FGF12: variants seen among roughly 807,000 people sequenced by gnomAD.
FGF12 encodes fibroblast growth factor 12B.
In FGF12, 14 loss-of-function variants were observed where a neutral mutation model predicts 23.6. That is an observed-to-expected ratio of 0.59 (90% CI 0.39 to 0.93). The LOEUF (loss-of-function observed/expected upper bound fraction) is 0.93, where lower values mean the gene tolerates loss of function less well. FGF12 is among the 40% of genes least tolerant of loss of function. The probability of loss-of-function intolerance (pLI) is 0.00; values close to 1 mark genes in which losing one functional copy is unlikely to be tolerated. For missense variants in FGF12, 175 were observed against 217.8 expected (o/e 0.80, Z 1.24); for synonymous variants, 62 against 77.3 (o/e 0.80, Z 1.04).
At chr3:192,467,499 G>A (rs6801036) in intron 2 of FGF12, among the ~76,000 whole-genome samples, 1,651 of 152,270 alleles carry the variant, frequency 0.011, 27 homozygotes, top group African/African-American at 0.037. Context: ...TGAGCGGGAC[G>A]CCTAGAGCAC....
chr3:192,475,016 C>G (rs1191715817), intron 2 of FGF12, among the ~76,000 whole-genome samples: 1 of 152,112 alleles, frequency 6.6e-6, no homozygotes, highest in Non-Finnish European at 1.5e-5. Flanking sequence ...ATATCTACCT[C>G]ATTAATGTAG....
chr3:192,338,277 G>A (rs1186767645), intron 3 of FGF12, among the ~76,000 whole-genome samples: 1 of 152,094 alleles, frequency 6.6e-6, no homozygotes, highest in African/African-American at 2.4e-5. Flanking sequence ...TAGAGACGGG[G>A]TTTCACTGTG....
intron 2 of FGF12, among the ~76,000 whole-genome samples, chr3:192,391,059 G>A (rs1189376885): frequency 6.6e-6 from 1 of 152,188 alleles, no homozygotes; most frequent in South Asian, 2.1e-4. Context: ...GACAAGTGAA[G>A]TCAATAAAAA....
At chr3:192,725,051 G>A (rs781534344) in intron 2 of FGF12, among the ~76,000 whole-genome samples, 3 of 152,204 alleles carry the variant, frequency 2.0e-5, no homozygotes, top group Non-Finnish European at 4.4e-5. Context: ...AGCATAAAAT[G>A]TGAAAGATGC....
intron 2 of FGF12, among the ~76,000 whole-genome samples, chr3:192,620,435 TCTG>T (rs1358398798): frequency 1.3e-5 from 2 of 151,982 alleles, no homozygotes; most frequent in Admixed American, 1.3e-4. Flanking sequence ...CTAGAGAAAA[TCTG>T]CATCCTTCCC....
intron 5 of FGF12, among the ~76,000 whole-genome samples, chr3:192,158,338 C>CTTTTTCTTTCTT (rs1357785568): frequency 8.7e-5 from 6 of 69,094 alleles, no homozygotes; most frequent in African/African-American, 3.1e-4. Context: ...CTTTCTCTTT[C>CTTTTTCTTTCTT]TTTCTTTCTT....
chr3:192,659,197 G>A (rs1005504367), intron 2 of FGF12, among the ~76,000 whole-genome samples: 1 of 152,156 alleles, frequency 6.6e-6, no homozygotes, highest in Non-Finnish European at 1.5e-5. Context: ...CAATACATTA[G>A]TGTGACATCA....
intron 2 of FGF12, among the ~76,000 whole-genome samples, chr3:192,489,976 TA>T (rs1333730751): frequency 6.6e-6 from 1 of 152,076 alleles, no homozygotes; most frequent in Non-Finnish European, 1.5e-5. Flanking sequence ...CCCCTGAATT[TA>T]AAATAAAAGT....
chr3:192,187,271 T>C (rs934425405), intron 4 of FGF12, among the ~76,000 whole-genome samples: 5 of 152,188 alleles, frequency 3.3e-5, no homozygotes, highest in Admixed American at 6.5e-5. Flanking sequence ...TTCTGACATA[T>C]ATAGTCTTTT....
At chr3:192,648,482 ATTT>A (rs10575098) in intron 2 of FGF12, among the ~76,000 whole-genome samples, 61 of 148,660 alleles carry the variant, frequency 4.1e-4, no homozygotes, top group Non-Finnish European at 3.4e-4. Context: ...GACTATTTAG[ATTT>A]TTTTTTTTTT....
At chr3:192,448,083 A>G (rs770762087) in intron 2 of FGF12, among the ~76,000 whole-genome samples, 48 of 152,268 alleles carry the variant, frequency 3.2e-4, no homozygotes, top group Middle Eastern at 3.4e-3. Context: ...TCATATATAT[A>G]TGTGTGTATA....
intron 2 of FGF12, among the ~76,000 whole-genome samples, chr3:192,568,556 A>G (rs922281824): frequency 6.6e-5 from 10 of 152,220 alleles, no homozygotes; most frequent in African/African-American, 2.4e-4. Flanking sequence ...AATGAACAGT[A>G]AGGCTTCAGA....
rs140798622 is a variant in FGF12 at position 192,633,263 on chromosome 3, T to C, written c.13+93918A>G. On this transcript the variant is annotated intron_variant, in intron 2 of 5. Transcript: ENST00000445105. ...GTTTCATCATGTTGGTCAGGCTGGTTTTGAATTCCTGACCTCAAGTGATCC... is the reference window on the plus strand; with the variant it reads ...GTTTCATCATGTTGGTCAGGCTGGTCTTGAATTCCTGACCTCAAGTGATCC... Among the ~76,000 whole-genome samples the C allele has an allele frequency of 8.0e-3, 1,222 of 152,016 alleles. 17 individuals are homozygous for C. Among genetic ancestry groups the C allele is most frequent in the African/African-American group, 0.029 (1,189 of 41,458 alleles).
chr3:192,506,495 A>G lies in FGF12; in HGVS notation c.14-145957T>C, dbSNP rs141075843. Among the ~76,000 whole-genome samples, 714 of 151,606 alleles carry G rather than the reference A, an allele frequency of 4.7e-3. 1 individual carries two copies. Among genetic ancestry groups the G allele is most frequent in the Non-Finnish European group, 6.3e-3 (425 of 67,816 alleles). On this transcript the variant is annotated intron_variant, in intron 2 of 5. Transcript: ENST00000445105. ...AAGCGATTCTCCTGCCTCAGCCTCCAGAGTAGCTGGGATTATAGCTGCGCA... is the reference window on the plus strand; with the variant it reads ...AAGCGATTCTCCTGCCTCAGCCTCCGGAGTAGCTGGGATTATAGCTGCGCA...
intron 2 of FGF12, among the ~76,000 whole-genome samples, chr3:192,661,398 T>C (rs1374624387): frequency 1.3e-5 from 2 of 152,048 alleles, no homozygotes; most frequent in African/African-American, 4.8e-5. Context: ...GGCATGGGAT[T>C]AAAAATAATC....
At chr3:192,556,758 T>C (rs749146952) in intron 2 of FGF12, among the ~76,000 whole-genome samples, 1 of 152,150 alleles carries the variant, frequency 6.6e-6, no homozygotes, top group Non-Finnish European at 1.5e-5. Context: ...AGATCACGTG[T>C]TGGGTCGCAA....
intron 4 of FGF12, among the ~76,000 whole-genome samples, chr3:192,334,706 A>ATG (rs1717304601): frequency 6.6e-6 from 1 of 152,140 alleles, no homozygotes; most frequent in South Asian, 2.1e-4. Context: ...ATGATACAAC[A>ATG]TTGTGTCCAA....
chr3:192,382,377 C>G (rs1228109859), intron 2 of FGF12, among the ~76,000 whole-genome samples: 1 of 152,118 alleles, frequency 6.6e-6, no homozygotes, highest in Non-Finnish European at 1.5e-5. Flanking sequence ...CACCCTGTAC[C>G]CATTTTGCCA....
intron 2 of FGF12, among the ~76,000 whole-genome samples, chr3:192,618,771 TA>T (rs35422706): frequency 0.23 from 34,874 of 148,472 alleles, 4,914 homozygotes; most frequent in South Asian, 0.32. Flanking sequence ...CTTATAATAC[TA>T]AAAAAAAAAC....
Sources: gnomAD v4.1 joint callset for allele counts (sites outside exome capture counted in the v4.1 genomes callset) on GRCh38, gnomAD v4.1.1 for gene constraint, MANE v1.5 for transcripts, NCBI Gene and HGNC (gene_info 2026-07-23, HGNC 2026-07-21) for gene names.